The following PTPN13 variants were observed in gnomAD, a reference collection of about 807,000 sequenced individuals.
The protein encoded by PTPN13 is tyrosine-protein phosphatase non-receptor type 13.
PTPN13 carries 191 observed loss-of-function variants against 284.0 expected under a neutral mutation model. The ratio of observed to expected loss-of-function variants is 0.67; its 90% CI spans 0.60 to 0.76. The LOEUF (loss-of-function observed/expected upper bound fraction) is 0.76, where lower values mean the gene tolerates loss of function less well. Ranked by LOEUF, PTPN13 falls within the 30% of genes least tolerant of loss-of-function variation. The pLI, the probability that PTPN13 is intolerant of heterozygous loss-of-function variation, is 0.00. For missense variants in PTPN13, 2,797 were observed against 2,939.9 expected (o/e 0.95, Z 1.12); for synonymous variants, 986 against 1,022.3 (o/e 0.96, Z 0.68).
chr4:86,651,230 A>G (rs923635617), intron 2 of PTPN13, among the ~76,000 whole-genome samples: 3 of 152,188 alleles, frequency 2.0e-5, no homozygotes, highest in African/African-American at 7.2e-5. Context: ...TGATTTGCCC[A>G]TGTTGAACTA....
chr4:86,723,012 C>A (rs1733842811), intron 10 of PTPN13, among the ~76,000 whole-genome samples: 1 of 152,078 alleles, frequency 6.6e-6, no homozygotes, highest in African/African-American at 2.4e-5. Context: ...ATCTGTTCTT[C>A]TAGTTGATGT....
chr4:86,645,270 A>G (rs1325143864), intron 2 of PTPN13, among the ~76,000 whole-genome samples: 4 of 152,178 alleles, frequency 2.6e-5, no homozygotes, highest in Non-Finnish European at 2.9e-5. Context: ...ACGGGTATCT[A>G]CACATCATAC....
At chr4:86,718,099 A>G (rs1190006333) in intron 9 of PTPN13, among the ~76,000 whole-genome samples, 4 of 152,208 alleles carry the variant, frequency 2.6e-5, no homozygotes, top group African/African-American at 9.6e-5. Flanking sequence ...TTTGTCGTGT[A>G]TGCCCAGGTC....
At chr4:86,697,900 T>TCTAAAATTTAACTAAATTTC (rs1266368369) in intron 6 of PTPN13, among the ~76,000 whole-genome samples, 43 of 152,310 alleles carry the variant, frequency 2.8e-4, no homozygotes, top group Middle Eastern at 6.8e-3. Flanking sequence ...GGAAGTTTTT[T>TCTAAAATTTAACTAAATTTC]CTAAAATTTA....
chr4:86,636,037 A>T (rs894114009), intron 2 of PTPN13, among the ~76,000 whole-genome samples: 23 of 152,116 alleles, frequency 1.5e-4, no homozygotes, highest in African/African-American at 5.3e-4. Context: ...AAATGCAGCC[A>T]TGACAAAGGC....
At chr4:86,801,044 C>A (rs767872176) in intron 42 of PTPN13, among the ~76,000 whole-genome samples, 2 of 152,186 alleles carry the variant, frequency 1.3e-5, no homozygotes, top group Non-Finnish European at 2.9e-5. Context: ...AGCTGATTGA[C>A]ATAATTAAAG....
chr4:86,770,625 C>T (rs1042484984), intron 30 of PTPN13, among the ~76,000 whole-genome samples: 1 of 152,056 alleles, frequency 6.6e-6, no homozygotes, highest in Non-Finnish European at 1.5e-5. Context: ...GAATGAAACT[C>T]TCTTGATGAG....
intron 41 of PTPN13, 45 bp from the exon 42 acceptor site, chr4:86,799,056 G>A (rs1743677631): frequency 2.5e-6 from 3 of 1,185,320 alleles, no homozygotes; most frequent in African/African-American, 1.6e-5. Context: ...TTTAATTTGA[G>A]TACAAAAATG....
intron 19 of PTPN13, among the ~76,000 whole-genome samples, chr4:86,751,580 A>T (rs1737392160): frequency 6.6e-6 from 1 of 152,124 alleles, no homozygotes; most frequent in Admixed American, 6.5e-5. Flanking sequence ...TTGGCCTCCC[A>T]AAGTGCTGAG....
At chr4:86,613,266 A>G (rs1478557676) in intron 1 of PTPN13, among the ~76,000 whole-genome samples, 1 of 152,228 alleles carries the variant, frequency 6.6e-6, no homozygotes, top group Non-Finnish European at 1.5e-5. Context: ...GATTCCCATA[A>G]GGAAAGCAGG....
intron 17 of PTPN13, 68 bp from the exon 18 acceptor site, chr4:86,750,402 T>G: frequency 1.5e-6 from 2 of 1,352,858 alleles, no homozygotes; most frequent in African/African-American, 1.5e-5. Context: ...GCTTATTTAT[T>G]AACATAATTA....
chr4:86,637,358 C>T (rs1723146156), intron 2 of PTPN13, among the ~76,000 whole-genome samples: 2 of 152,026 alleles, frequency 1.3e-5, no homozygotes, highest in South Asian at 2.1e-4. Flanking sequence ...ATACCAAAGC[C>T]GGGAAGAGAC....
At chr4:86,737,875 C>T (rs1023923164) in intron 15 of PTPN13, among the ~76,000 whole-genome samples, 3 of 152,116 alleles carry the variant, frequency 2.0e-5, no homozygotes, top group African/African-American at 7.2e-5. Context: ...ACTACAGGCA[C>T]ATGCCACCAC....
intron 5 of PTPN13, among the ~76,000 whole-genome samples, chr4:86,690,495 T>A (rs553266865): frequency 6.6e-6 from 1 of 152,244 alleles, no homozygotes; most frequent in East Asian, 1.9e-4. Context: ...AAATAAAGCA[T>A]TTCCCAAACT....
intron 1 of PTPN13, among the ~76,000 whole-genome samples, chr4:86,599,610 C>CT (rs138458746): frequency 0.046 from 7,051 of 152,190 alleles, 220 homozygotes; most frequent in African/African-American, 0.06. Context: ...TCCTGTACTG[C>CT]TTAGAGGTTT....
At chr4:86,634,363 A>AT (rs2148717830) in intron 1 of PTPN13, among the ~76,000 whole-genome samples, 1 of 152,310 alleles carries the variant, frequency 6.6e-6, no homozygotes, top group South Asian at 2.1e-4. Context: ...ATATAGAAGG[A>AT]TTTTAACTAG....
At chr4:86,597,677 C>G (rs999335547) in intron 1 of PTPN13, among the ~76,000 whole-genome samples, 11 of 152,248 alleles carry the variant, frequency 7.2e-5, no homozygotes, top group African/African-American at 2.6e-4. Flanking sequence ...GAATAAGCAC[C>G]CTGCTCTATC....
At chr4:86,615,826 A>G (rs1055658932) in intron 1 of PTPN13, among the ~76,000 whole-genome samples, 5 of 152,220 alleles carry the variant, frequency 3.3e-5, no homozygotes, top group Admixed American at 2.6e-4. Context: ...ATGTTTTAAC[A>G]TTAAAAGATA....
intron 9 of PTPN13, among the ~76,000 whole-genome samples, 170 bp from the exon 10 acceptor site, chr4:86,722,042 C>A (rs1733727648): frequency 6.6e-6 from 1 of 151,948 alleles, no homozygotes; most frequent in African/African-American, 2.4e-5. Context: ...CCACCATGCC[C>A]AGCCTATATA....
Sources: gnomAD v4.1 joint callset for allele counts (sites outside exome capture counted in the v4.1 genomes callset) on GRCh38, gnomAD v4.1.1 for gene constraint, MANE v1.5 for transcripts, NCBI Gene and HGNC (gene_info 2026-07-23, HGNC 2026-07-21) for gene names.